GGNBP2: variants seen among roughly 807,000 people sequenced by gnomAD.
GGNBP2 encodes the protein gametogenetin binding protein 2, also known as gametogenetin-binding protein 2.
A neutral mutation model predicts 85.9 loss-of-function variants in GGNBP2; 10 were observed. That is an observed-to-expected ratio of 0.12 (90% CI 0.07 to 0.20). GGNBP2 has a LOEUF of 0.20. Among genes scored for constraint, GGNBP2 ranks in the 10% least tolerant of loss-of-function variants. The probability of loss-of-function intolerance (pLI) is 1.00; values close to 1 mark genes in which losing one functional copy is unlikely to be tolerated. For missense variants in GGNBP2, 595 were observed against 857.8 expected (o/e 0.69, Z 3.83); for synonymous variants, 287 against 285.7 (o/e 1.00, Z -0.05).
At chr17:36,554,744 A>G (rs759149651) in intron 2 of GGNBP2, 76 bp from the exon 3 acceptor site, 4 of 990,334 alleles carry the variant, frequency 4.0e-6, no homozygotes, top group African/African-American at 3.2e-5. Context: ...TCACGGGTCT[A>G]TTTCTGGAGT....
At chr17:36,568,856 A>G (rs2074494747) in intron 6 of GGNBP2, among the ~76,000 whole-genome samples, 1 of 151,930 alleles carries the variant, frequency 6.6e-6, no homozygotes, top group African/African-American at 2.4e-5. Context: ...CCCTGGTTCA[A>G]GAGATTCTCC....
intron 8 of GGNBP2, among the ~76,000 whole-genome samples, chr17:36,581,055 C>T (rs911200913): frequency 2.0e-5 from 3 of 151,694 alleles, no homozygotes; most frequent in Non-Finnish European, 4.4e-5. Flanking sequence ...GAGGCTGAGG[C>T]GGGTGGATCA....
chr17:36,564,460 A>G (rs1285651344), intron 5 of GGNBP2, among the ~76,000 whole-genome samples: 2 of 152,224 alleles, frequency 1.3e-5, no homozygotes, highest in Non-Finnish European at 2.9e-5. Context: ...CTTAAGAAAC[A>G]AAACAAACCT....
Position 36,582,123 on chromosome 17 carries a change from C to T in GGNBP2, c.1215+585C>T, listed in dbSNP as rs563264592. 3 of 152,254 alleles carry T rather than the reference C, an allele frequency of 2.0e-5. No homozygotes were observed. The East Asian group carries it at 5.8e-4, about 29-fold the overall frequency. 9.4% of individuals were successfully genotyped at this position (152,254 alleles called of 1,614,324 possible). On this transcript the variant is annotated intron_variant, in intron 9 of 13. Coordinates refer to ENST00000613102, the MANE Select transcript of GGNBP2 (RefSeq NM_024835.5). ...CCAGCTTGTGGGCTCAAGCAATTCT[C>T]CCACCTCAGCCTCCCAAAATGCTAC... is the stretch of plus-strand genomic sequence containing the variant.
chr17:36,589,392 CA>C lies in GGNBP2; in HGVS notation c.2077del (p.Thr693ArgfsTer7). ...HKRPICSGWL[T>X]TAGAN is the part of the protein sequence containing the mutation. The stretch of plus-strand genomic sequence containing the variant: ...AGGCCCATTTGTAGTGGCTGGTTGA[CA>C]ACGGCTGGAGCAAATTAAATAAATA... On this transcript the variant is annotated frameshift_variant, in exon 14 of 14. Coordinates refer to ENST00000613102, the MANE Select transcript of GGNBP2 (RefSeq NM_024835.5). LOFTEE classifies it high-confidence loss of function. 6.2e-7 allele frequency: 1 copy of C among 1,613,124 alleles called. No individual in the cohort carries two copies. Among genetic ancestry groups the C allele is most frequent in the Non-Finnish European group, 8.5e-7 (1 of 1,179,210 alleles).
At chr17:36,576,455 G>A (rs1205775077) in intron 6 of GGNBP2, among the ~76,000 whole-genome samples, 2 of 120,068 alleles carry the variant, frequency 1.7e-5, no homozygotes, top group South Asian at 5.8e-4. Context: ...TCGGGAGACT[G>A]AGGCAGGAGA....
chr17:36,554,811 C>T lies in GGNBP2; in HGVS notation c.94-9C>T, dbSNP rs1425817815. The T allele has an allele frequency of 1.3e-6, 2 of 1,555,596 alleles. No individual in the cohort carries two copies. The highest frequency in any genetic ancestry group is 1.7e-5 in the Admixed American group (1 of 59,912). ...AAGTAATTGATTTCCGTTCTGTTTG[C>T]ATTTTAAGATGGTGATGGAATTTCC... is the stretch of plus-strand genomic sequence containing the variant. On this transcript the variant is annotated splice_polypyrimidine_tract_variant and intron_variant, in intron 2 of 13. Transcript: ENST00000613102.
intron 1 of GGNBP2, 40 bp from the exon 2 acceptor site, chr17:36,545,579 A>C (rs1322835025): frequency 1.6e-6 from 1 of 633,322 alleles, no homozygotes; most frequent in Non-Finnish European, 2.8e-6. Flanking sequence ...TGTGCTGCGC[A>C]GCGGCGGGTG....
chr17:36,558,085 C>G (rs1017961223), intron 4 of GGNBP2, among the ~76,000 whole-genome samples: 16 of 147,676 alleles, frequency 1.1e-4, no homozygotes, highest in African/African-American at 3.8e-4. Flanking sequence ...GCAGTCCAGC[C>G]AGGGCGACAG....
chr17:36,578,481 G>T, intron 7 of GGNBP2: 1 of 327,666 alleles, frequency 3.1e-6, no homozygotes, highest in South Asian at 8.3e-5. Flanking sequence ...TGATTAGAAG[G>T]GATTTTTCTC....
chr17:36,549,207 G>T (rs1567815889), intron 2 of GGNBP2, among the ~76,000 whole-genome samples: 1 of 147,078 alleles, frequency 6.8e-6, no homozygotes, highest in Non-Finnish European at 1.5e-5. Context: ...AAGAATTAAA[G>T]TTTTTTTTTT....
At chr17:36,584,003 T>C (rs759294380) in intron 9 of GGNBP2, among the ~76,000 whole-genome samples, 2 of 152,244 alleles carry the variant, frequency 1.3e-5, no homozygotes, top group Non-Finnish European at 2.9e-5. Flanking sequence ...GTTCACTGAA[T>C]TATGCAGGTC....
chr17:36,583,829 C>A (rs1459974076), intron 9 of GGNBP2, among the ~76,000 whole-genome samples: 2 of 152,120 alleles, frequency 1.3e-5, no homozygotes, highest in Non-Finnish European at 2.9e-5. Flanking sequence ...ACACTTTGAC[C>A]AGTGGTAGTT....
intron 8 of GGNBP2, among the ~76,000 whole-genome samples, chr17:36,580,020 A>AT (rs2074630418): frequency 1.3e-5 from 2 of 151,776 alleles, no homozygotes; most frequent in Admixed American, 1.3e-4. Flanking sequence ...CAAAACAAAA[A>AT]CAAAAACAAA....
At chr17:36,559,421 C>T (rs1365393638) in intron 4 of GGNBP2, among the ~76,000 whole-genome samples, 1 of 150,184 alleles carries the variant, frequency 6.7e-6, no homozygotes, top group Non-Finnish European at 1.5e-5. Flanking sequence ...AGCGATTAGA[C>T]ATCCAAATAG....
At chr17:36,548,901 C>T (rs556402081) in intron 2 of GGNBP2, among the ~76,000 whole-genome samples, 3 of 151,758 alleles carry the variant, frequency 2.0e-5, no homozygotes, top group Non-Finnish European at 2.9e-5. Context: ...GCCAAGATTG[C>T]GCCACTGCAC....
In GGNBP2 at chr17:36,555,013, G is replaced by A. The variant is rs886669530; in HGVS notation, c.174+113G>A. ...ATTCTCTAGGTCTTAATATTGCACT[G>A]GAATTGCTCTTTCACCATTGCTATA... On this transcript the variant is annotated intron_variant, in intron 3 of 13. Transcript: ENST00000613102. 5 of 634,632 alleles carry A rather than the reference G, an allele frequency of 7.9e-6. No homozygotes were observed. In the Admixed American group the frequency reaches 1.4e-4, roughly 17 times the overall value. The allele number at this position is 634,632 out of a possible 1,614,324, so 39.3% of individuals were successfully genotyped here. A position where few individuals can be genotyped will look rare whatever the true frequency, so the allele number is the denominator to read the frequency against.
intron 9 of GGNBP2, 153 bp downstream of exon 9, chr17:36,581,691 G>A: frequency 9.2e-6 from 4 of 434,352 alleles, no homozygotes; most frequent in Non-Finnish European, 1.7e-5. Context: ...GACCAGCCTG[G>A]GCAAGATAGT....
At chr17:36,576,625 G>GTATA (rs1567830481) in intron 6 of GGNBP2, 2 of 111,810 alleles carry the variant, frequency 1.8e-5, no homozygotes, top group Non-Finnish European at 3.6e-5. Context: ...GTGTGTGTGT[G>GTATA]TGTGTATATG....
Sources: gnomAD v4.1 joint callset for allele counts (sites outside exome capture counted in the v4.1 genomes callset) on GRCh38, gnomAD v4.1.1 for gene constraint, MANE v1.5 for transcripts, NCBI Gene and HGNC (gene_info 2026-07-23, HGNC 2026-07-21) for gene names.